The following CNTN4 variants were observed in gnomAD, a reference collection of about 807,000 sequenced individuals.
The protein encoded by CNTN4 is contactin-4.
Under a neutral mutation model 122.5 loss-of-function variants are expected in CNTN4, and 77 were observed. The observed-to-expected ratio is 0.63, with a 90% CI of 0.52 to 0.76. The LOEUF (loss-of-function observed/expected upper bound fraction) is 0.76, where lower values mean the gene tolerates loss of function less well. Ranked by LOEUF, CNTN4 falls within the 30% of genes least tolerant of loss-of-function variation. The pLI, the probability that CNTN4 is intolerant of heterozygous loss-of-function variation, is 0.00. For missense variants in CNTN4, 1,256 were observed against 1,259.1 expected (o/e 1.00, Z 0.04); for synonymous variants, 512 against 447.0 (o/e 1.15, Z -1.83).
At chr3:2,325,785 A>C (rs1364364820) in intron 2 of CNTN4, among the ~76,000 whole-genome samples, 1 of 152,240 alleles carries the variant, frequency 6.6e-6, no homozygotes, top group Admixed American at 6.5e-5. Context: ...ATTGTGATTT[A>C]TATTTCATTA....
chr3:2,935,461 A>G (rs1470914627), intron 13 of CNTN4, among the ~76,000 whole-genome samples: 1 of 152,200 alleles, frequency 6.6e-6, no homozygotes, highest in Non-Finnish European at 1.5e-5. Context: ...TGATTCAACC[A>G]ACCTCTTAAA....
At chr3:2,281,558 A>T (rs1153486) in intron 2 of CNTN4, among the ~76,000 whole-genome samples, 7 of 151,874 alleles carry the variant, frequency 4.6e-5, no homozygotes, top group African/African-American at 1.4e-4. Flanking sequence ...GCAATTTCAG[A>T]GGCCTTCTGA....
chr3:2,581,281 C>G (rs2079926338), intron 4 of CNTN4, among the ~76,000 whole-genome samples: 1 of 152,098 alleles, frequency 6.6e-6, no homozygotes, highest in South Asian at 2.1e-4. Context: ...CTTAAGTACT[C>G]TGAGGTCAGA....
chr3:2,297,930 C>T (rs1452136164), intron 2 of CNTN4, among the ~76,000 whole-genome samples: 2 of 152,114 alleles, frequency 1.3e-5, no homozygotes, highest in African/African-American at 4.8e-5. Context: ...CAGGGTTTCA[C>T]TATGTTGCCC....
At chr3:2,127,814 C>G (rs2034252599) in intron 2 of CNTN4, among the ~76,000 whole-genome samples, 1 of 152,138 alleles carries the variant, frequency 6.6e-6, no homozygotes, top group Non-Finnish European at 1.5e-5. Context: ...TACAGGGAAC[C>G]TTTAAGTCAT....
intron 2 of CNTN4, among the ~76,000 whole-genome samples, chr3:2,153,410 G>A (rs2035579329): frequency 6.6e-6 from 1 of 152,218 alleles, no homozygotes; most frequent in African/African-American, 2.4e-5. Context: ...AAAGGCAACT[G>A]CCAAGAATTG....
intron 2 of CNTN4, among the ~76,000 whole-genome samples, chr3:2,314,898 A>G (rs369355068): frequency 7.2e-5 from 11 of 152,206 alleles, no homozygotes; most frequent in African/African-American, 2.6e-4. Flanking sequence ...TTCAGTGTTA[A>G]TCAATGAACT....
rs548000918 is a variant in CNTN4 at position 2,519,793 on chromosome 3, G to A, written c.-88-51623G>A. 9.2e-5 allele frequency among the ~76,000 whole-genome samples: 14 copies of A among 152,204 alleles called. No individual in the cohort carries two copies. The South Asian group carries it at 2.7e-3, about 29-fold the overall frequency. On this transcript the variant is annotated intron_variant, in intron 3 of 24. Coordinates refer to ENST00000418658, the MANE Select transcript of CNTN4 (RefSeq NM_175607.3). The stretch of plus-strand genomic sequence containing the variant: ...TGTGTGAAAGCTAAACGCATCTATC[G>A]AATTCATAACATCCAGTTTTCAACT...
At chr3:2,625,212 G>A (rs2082137348) in intron 4 of CNTN4, among the ~76,000 whole-genome samples, 1 of 152,032 alleles carries the variant, frequency 6.6e-6, no homozygotes. Flanking sequence ...AAAGGTAGTG[G>A]GTCTCTAAAA....
chr3:2,626,389 C>A (rs368279765), intron 4 of CNTN4, among the ~76,000 whole-genome samples: 2 of 151,646 alleles, frequency 1.3e-5, no homozygotes, highest in African/African-American at 4.8e-5. Flanking sequence ...CCCAGCTACT[C>A]GGGAGGCTGA....
chr3:2,977,889 G>T (rs554446446), intron 13 of CNTN4, among the ~76,000 whole-genome samples: 1 of 152,168 alleles, frequency 6.6e-6, no homozygotes, highest in Non-Finnish European at 1.5e-5. Context: ...TAAGGAGAGG[G>T]AAATTTGGAT....
chr3:2,556,027 T>G (rs1445491623), intron 3 of CNTN4, among the ~76,000 whole-genome samples: 1 of 152,178 alleles, frequency 6.6e-6, no homozygotes, highest in African/African-American at 2.4e-5. Flanking sequence ...CTACGTAATG[T>G]TTTTTTCCCT....
At chr3:2,399,534 TTC>T (rs1218563128) in intron 3 of CNTN4, among the ~76,000 whole-genome samples, 6 of 152,044 alleles carry the variant, frequency 3.9e-5, no homozygotes, top group Non-Finnish European at 8.8e-5. Flanking sequence ...GTTACATAAG[TTC>T]TCTGAGTCTC....
intron 6 of CNTN4, among the ~76,000 whole-genome samples, chr3:2,788,530 T>C (rs147043928): frequency 0.018 from 2,691 of 152,334 alleles, 42 homozygotes; most frequent in Middle Eastern, 0.048. Flanking sequence ...TAAGGATCTA[T>C]GATATGATAA....
intron 8 of CNTN4, among the ~76,000 whole-genome samples, chr3:2,879,815 A>G (rs541430656): frequency 5.3e-5 from 8 of 152,194 alleles, no homozygotes; most frequent in African/African-American, 1.9e-4. Flanking sequence ...ATTGGATTGC[A>G]CACTTAAAAT....
intron 2 of CNTN4, among the ~76,000 whole-genome samples, chr3:2,302,996 T>C (rs1327281221): frequency 2.0e-5 from 3 of 152,220 alleles, no homozygotes; most frequent in Admixed American, 6.5e-5. Context: ...CCATAACAGC[T>C]TATATTTATT....
At chr3:2,241,321 GGATA>G (rs1332786378) in intron 2 of CNTN4, among the ~76,000 whole-genome samples, 14 of 152,118 alleles carry the variant, frequency 9.2e-5, no homozygotes, top group African/African-American at 3.4e-4. Flanking sequence ...TCCAGGCATT[GGATA>G]GATAGTTACA....
At chr3:2,530,040 C>G (rs2077538996) in intron 3 of CNTN4, among the ~76,000 whole-genome samples, 1 of 152,076 alleles carries the variant, frequency 6.6e-6, no homozygotes, top group African/African-American at 2.4e-5. Flanking sequence ...GCTATATCAT[C>G]ACACTTCCTC....
intron 4 of CNTN4, among the ~76,000 whole-genome samples, chr3:2,606,273 A>G (rs190680184): frequency 3.9e-5 from 6 of 152,268 alleles, no homozygotes; most frequent in African/African-American, 1.4e-4. Context: ...CAAACGGAGA[A>G]CAATATAACC....
Sources: gnomAD v4.1 joint callset for allele counts (sites outside exome capture counted in the v4.1 genomes callset) on GRCh38, gnomAD v4.1.1 for gene constraint, MANE v1.5 for transcripts, NCBI Gene and HGNC (gene_info 2026-07-23, HGNC 2026-07-21) for gene names.